Variants in KATNA1 observed in about 807,000 individuals in gnomAD.
The protein encoded by KATNA1 is katanin p60 ATPase-containing subunit A1.
A neutral mutation model predicts 62.6 loss-of-function variants in KATNA1; 42 were observed. The observed-to-expected ratio is 0.67, with a 90% CI of 0.52 to 0.87. KATNA1 has a LOEUF of 0.87. Ranked by LOEUF, KATNA1 falls within the 40% of genes least tolerant of loss-of-function variation. The pLI is 0.00. For missense variants in KATNA1, 498 were observed against 612.5 expected, an observed-to-expected ratio of 0.81 and a Z score of 1.97; for synonymous variants, 186 against 201.9, an observed-to-expected ratio of 0.92 and a Z score of 0.67.
intron 4 of KATNA1, among the ~76,000 whole-genome samples, chr6:149,613,595 A>G (rs1202893686): frequency 6.6e-6 from 1 of 152,186 alleles, no homozygotes; most frequent in Admixed American, 6.6e-5. Context: ...AGGAAGCATC[A>G]AGAATCTGTA....
intron 3 of KATNA1, among the ~76,000 whole-genome samples, chr6:149,630,366 C>T (rs1319910919): frequency 2.0e-5 from 3 of 152,224 alleles, no homozygotes; most frequent in African/African-American, 7.2e-5. Context: ...CGGTGGCTCA[C>T]GCCTATAATC....
chr6:149,595,189 A>T lies in KATNA1; in HGVS notation c.1323T>A (p.Thr441=). 1.2e-6 allele frequency: 2 copies of T among 1,614,148 alleles called. No individual in the cohort carries two copies. Among genetic ancestry groups the T allele is most frequent in the Non-Finnish European group, 1.7e-6 (2 of 1,180,012 alleles). ...MAMRRRIEGL[T]PEEIRNLSKE... ...TGGAAAGATTTCGGATTTCCTCTGG[A>T]GTCAAACCTTCAATGCGCCTTCTCA... The change falls in exon 11 of 11, where the codon ACT becomes ACA. Residue 441 remains threonine, a synonymous_variant. Coordinates refer to ENST00000367411, the MANE Select transcript of KATNA1 (RefSeq NM_007044.4).
intron 4 of KATNA1, among the ~76,000 whole-genome samples, chr6:149,622,146 T>C (rs978500752): frequency 1.4e-5 from 2 of 139,700 alleles, no homozygotes; most frequent in South Asian, 2.3e-4. Context: ...TTTTTTTTTT[T>C]CCTCAAGACG....
chr6:149,597,476 A>G (rs1562277952), intron 9 of KATNA1, 31 bp downstream of exon 9: 1 of 1,605,932 alleles, frequency 6.2e-7, no homozygotes. Context: ...GAAAGTTAAC[A>G]GGCTTTCTGA....
At chr6:149,632,392 A>C (rs922150727) in intron 3 of KATNA1, among the ~76,000 whole-genome samples, 4 of 152,020 alleles carry the variant, frequency 2.6e-5, no homozygotes, top group African/African-American at 9.7e-5. Flanking sequence ...AAAAAGAAAA[A>C]AAAGAAAAAT....
chr6:149,598,778 CTG>C (rs1482922569), intron 7 of KATNA1, among the ~76,000 whole-genome samples: 2 of 152,110 alleles, frequency 1.3e-5, no homozygotes, highest in East Asian at 1.9e-4. Flanking sequence ...GCCTGCCACA[CTG>C]TGCATCTTTC....
Position 149,597,549 on chromosome 6 carries a change from T to C in KATNA1, c.1108A>G (p.Arg370Gly), listed in dbSNP as rs776751803. Residue 370 changes from arginine to glycine, a missense_variant, in exon 9 of 11, where the codon AGA becomes GGA. This residue lies in a region of KATNA1 where 267 missense variants were observed against 372.6 expected (regional missense o/e 0.72). Transcript: ENST00000367411. ...TAGATTCGTTTCTCAAGGCGTCGTC[T>C]TAAAGCCTCATCTATATCCCAGGGA... Reference protein sequence around the residue: ...NFPWDIDEALRRRLEKRIYIP... With the variant: ...NFPWDIDEALGRRLEKRIYIP... The C allele has an allele frequency of 1.2e-5, 19 of 1,614,130 alleles. No individual in the cohort carries two copies. The highest frequency in any genetic ancestry group is 1.5e-5 in the Non-Finnish European group (18 of 1,179,990).
intron 2 of KATNA1, among the ~76,000 whole-genome samples, chr6:149,634,173 C>G (rs1447243763): frequency 6.7e-6 from 1 of 149,462 alleles, no homozygotes; most frequent in South Asian, 2.1e-4. Flanking sequence ...CTTGGGAGGC[C>G]GAGCCACAAC....
chr6:149,622,462 T>C (rs1329483738), intron 4 of KATNA1, among the ~76,000 whole-genome samples: 1 of 151,982 alleles, frequency 6.6e-6, no homozygotes, highest in Non-Finnish European at 1.5e-5. Context: ...TACAGAAAAA[T>C]AAAATGATAA....
At chr6:149,635,235 C>T (rs1229027964) in intron 2 of KATNA1, among the ~76,000 whole-genome samples, 1 of 152,080 alleles carries the variant, frequency 6.6e-6, no homozygotes, top group South Asian at 2.1e-4. Flanking sequence ...CATGATTGCA[C>T]CACCATACTC....
chr6:149,624,606 C>T (rs1015349668), intron 3 of KATNA1, among the ~76,000 whole-genome samples: 2 of 151,936 alleles, frequency 1.3e-5, no homozygotes, highest in African/African-American at 4.8e-5. Context: ...TATCAAACCC[C>T]TGGGCTCAAT....
At chr6:149,630,267 A>T (rs1223942683) in intron 3 of KATNA1, among the ~76,000 whole-genome samples, 1 of 152,248 alleles carries the variant, frequency 6.6e-6, no homozygotes, top group African/African-American at 2.4e-5. Flanking sequence ...AAATTTAGTA[A>T]ATATCCAAAG....
At chr6:149,632,686 C>A in intron 3 of KATNA1, 73 bp downstream of exon 3, 3 of 1,281,706 alleles carry the variant, frequency 2.3e-6, no homozygotes, top group South Asian at 1.7e-5. Flanking sequence ...TCAGCCACCC[C>A]ATCCTCCTCC....
intron 4 of KATNA1, among the ~76,000 whole-genome samples, chr6:149,607,804 G>A (rs1325399096): frequency 6.6e-6 from 1 of 152,060 alleles, no homozygotes; most frequent in African/African-American, 2.4e-5. Context: ...AGTGGCTCAC[G>A]CCTGTAATCC....
chr6:149,626,215 G>A (rs1168941729), intron 3 of KATNA1, among the ~76,000 whole-genome samples: 1 of 150,996 alleles, frequency 6.6e-6, no homozygotes, highest in Non-Finnish European at 1.5e-5. Flanking sequence ...GGTTGAGTCG[G>A]TACTGAACAT....
intron 1 of KATNA1, among the ~76,000 whole-genome samples, chr6:149,643,731 C>G (rs1780375393): frequency 1.3e-5 from 2 of 151,378 alleles, no homozygotes; most frequent in African/African-American, 4.9e-5. Flanking sequence ...GCAGCCCAGG[C>G]TGGAGTGCAG....
At chr6:149,599,252 T>G (rs1778441721) in intron 7 of KATNA1, among the ~76,000 whole-genome samples, 1 of 152,064 alleles carries the variant, frequency 6.6e-6, no homozygotes, top group Admixed American at 6.6e-5. Context: ...AGGGAAAGAG[T>G]GAACTTCATC....
chr6:149,608,742 C>T (rs957818582), intron 4 of KATNA1, among the ~76,000 whole-genome samples: 1 of 152,212 alleles, frequency 6.6e-6, no homozygotes, highest in African/African-American at 2.4e-5. Context: ...TAGAGGGAAC[C>T]TAGACTTCCA....
At chr6:149,648,189 A>C (rs1316578955) in intron 1 of KATNA1, among the ~76,000 whole-genome samples, 2 of 152,180 alleles carry the variant, frequency 1.3e-5, no homozygotes, top group Non-Finnish European at 2.9e-5. Context: ...TCGAAGAACT[A>C]AAAACTCGGC....
Sources: gnomAD v4.1 joint callset for allele counts (sites outside exome capture counted in the v4.1 genomes callset) on GRCh38, gnomAD v4.1.1 for gene constraint, gnomAD v4.1.1 regional missense constraint, MANE v1.5 for transcripts, NCBI Gene and HGNC (gene_info 2026-07-23, HGNC 2026-07-21) for gene names.